Variants in TMEM132B observed in about 807,000 individuals in gnomAD.
TMEM132B encodes transmembrane protein 132B.
TMEM132B carries 18 observed loss-of-function variants against 90.8 expected under a neutral mutation model. That is an observed-to-expected ratio of 0.20 (90% confidence interval 0.14 to 0.29). TMEM132B has a LOEUF of 0.29. Among genes scored for constraint, TMEM132B ranks in the 10% least tolerant of loss-of-function variants. TMEM132B has a pLI of 1.00. For synonymous variants in TMEM132B, 504 were observed against 523.3 expected (o/e 0.96, Z 0.50); for missense variants, 1,096 against 1,326.8 (o/e 0.83, Z 2.70).
chr12:125,451,430 G>A (rs1411955778), intron 3 of TMEM132B, among the ~76,000 whole-genome samples: 1 of 152,130 alleles, frequency 6.6e-6, no homozygotes, highest in Non-Finnish European at 1.5e-5. Context: ...GCATGTAGAT[G>A]CACAAGAATA....
At chr12:125,187,831 A>G (rs1957769032) in intron 1 of TMEM132B, among the ~76,000 whole-genome samples, 1 of 139,866 alleles carries the variant, frequency 7.1e-6, no homozygotes, top group Non-Finnish European at 1.5e-5. Context: ...AACCCCGGGA[A>G]CAGTCACGAG....
At chr12:125,420,867 G>A (rs1395798568) in intron 3 of TMEM132B, among the ~76,000 whole-genome samples, 1 of 152,032 alleles carries the variant, frequency 6.6e-6, no homozygotes, top group Non-Finnish European at 1.5e-5. Context: ...ATGCTTTGCT[G>A]CTTAGAAATT....
At chr12:125,598,487 C>T (rs926692448) in intron 5 of TMEM132B, among the ~76,000 whole-genome samples, 6 of 152,096 alleles carry the variant, frequency 3.9e-5, no homozygotes, top group African/African-American at 1.2e-4. Flanking sequence ...CTGCAACTTG[C>T]CTAAAACATG....
At chr12:125,514,256 C>A (rs1883050919) in intron 3 of TMEM132B, among the ~76,000 whole-genome samples, 1 of 151,870 alleles carries the variant, frequency 6.6e-6, no homozygotes, top group African/African-American at 2.4e-5. Flanking sequence ...TAAGTATGTT[C>A]AAAGAATTAA....
At chr12:125,324,048 G>A (rs1186105872) in intron 1 of TMEM132B, among the ~76,000 whole-genome samples, 1 of 152,096 alleles carries the variant, frequency 6.6e-6, no homozygotes. Flanking sequence ...CACAACGGGG[G>A]CAGGGAAAGA....
chr12:125,516,837 G>A (rs1439676766), intron 3 of TMEM132B, among the ~76,000 whole-genome samples: 1 of 152,220 alleles, frequency 6.6e-6, no homozygotes, highest in Non-Finnish European at 1.5e-5. Context: ...GCACAGTGCG[G>A]CCCAAAGAGA....
intron 1 of TMEM132B, among the ~76,000 whole-genome samples, chr12:125,318,617 G>A (rs1876347355): frequency 1.3e-5 from 2 of 152,134 alleles, no homozygotes; most frequent in Admixed American, 6.5e-5. Flanking sequence ...AACATGAAGT[G>A]TTTGGTTTTC....
At chr12:125,305,441 A>G (rs1465014770) in intron 1 of TMEM132B, among the ~76,000 whole-genome samples, 2 of 149,636 alleles carry the variant, frequency 1.3e-5, no homozygotes, top group Non-Finnish European at 3.0e-5. Context: ...AGCCCAGGGT[A>G]GGGGGGGGAA....
chr12:125,440,694 A>G (rs1470547951), intron 3 of TMEM132B, among the ~76,000 whole-genome samples: 3 of 152,228 alleles, frequency 2.0e-5, no homozygotes, highest in African/African-American at 7.2e-5. Flanking sequence ...AATCTCCAAT[A>G]TGTAGGCAAC....
intron 1 of TMEM132B, among the ~76,000 whole-genome samples, chr12:125,238,755 C>T (rs1162740982): frequency 6.6e-6 from 1 of 152,192 alleles, no homozygotes; most frequent in Admixed American, 6.5e-5. Context: ...GATTTATTTC[C>T]TCTCAAAACC....
At chr12:125,651,263 T>G (rs1341171011) in intron 7 of TMEM132B, among the ~76,000 whole-genome samples, 1 of 152,236 alleles carries the variant, frequency 6.6e-6, no homozygotes, top group East Asian at 1.9e-4. Context: ...CAACATCATA[T>G]TCTCCATTTT....
In TMEM132B at chr12:125,277,581, C is replaced by T. The variant is rs1012621969; in HGVS notation, c.68-71871C>T. On this transcript the variant is annotated intron_variant, in intron 1 of 8. Coordinates refer to ENST00000682704, the MANE Select transcript of TMEM132B (RefSeq NM_001366854.1). This position sits in a 1 kb window ranked among gnomAD's most constrained non-coding sequence, Gnocchi z 4.3. Reference sequence around the variant, plus strand: ...GAAGATGCAGCAGAGATTGGAGTGACGTGCCTACATGCCAGGGAACACCAA... The same window carrying T: ...GAAGATGCAGCAGAGATTGGAGTGATGTGCCTACATGCCAGGGAACACCAA... Among the ~76,000 whole-genome samples, 2 of 151,352 alleles carry T rather than the reference C, an allele frequency of 1.3e-5. No individual in the cohort carries two copies. Among genetic ancestry groups the T allele is most frequent in the South Asian group, 2.1e-4 (1 of 4,792 alleles).
chr12:125,544,660 C>T (rs962539273), intron 4 of TMEM132B, among the ~76,000 whole-genome samples: 1 of 152,144 alleles, frequency 6.6e-6, no homozygotes. Context: ...CCACTCATCT[C>T]TATGCCATTT....
chr12:125,299,092 G>A (rs563747988), intron 1 of TMEM132B, among the ~76,000 whole-genome samples: 98 of 152,180 alleles, frequency 6.4e-4, no homozygotes, highest in African/African-American at 2.1e-3. Flanking sequence ...CTCAAACTCC[G>A]GGCTCAAGCG....
chr12:125,268,955 G>T (rs1446737151), intron 1 of TMEM132B, among the ~76,000 whole-genome samples: 1 of 152,182 alleles, frequency 6.6e-6, no homozygotes, highest in Non-Finnish European at 1.5e-5. Flanking sequence ...GCTAGTTTTT[G>T]ATCTTAGAGG....
At chr12:125,643,596 C>G (rs1452042257) in intron 5 of TMEM132B, among the ~76,000 whole-genome samples, 2 of 152,142 alleles carry the variant, frequency 1.3e-5, no homozygotes, top group African/African-American at 4.8e-5. Context: ...ACTATTTTGC[C>G]TACCAGGATT....
At chr12:125,218,779 T>TTTG (rs1873496785) in intron 1 of TMEM132B, among the ~76,000 whole-genome samples, 2 of 149,652 alleles carry the variant, frequency 1.3e-5, no homozygotes, top group East Asian at 1.9e-4. Context: ...GTTTTTTTTT[T>TTTG]TTTTTTTTTT....
chr12:125,627,581 T>G (rs1886263086), intron 5 of TMEM132B, among the ~76,000 whole-genome samples: 1 of 152,168 alleles, frequency 6.6e-6, no homozygotes, highest in Non-Finnish European at 1.5e-5. Flanking sequence ...ACATGAGATG[T>G]TTTGATACAG....
intron 8 of TMEM132B, among the ~76,000 whole-genome samples, chr12:125,653,033 T>C (rs190072552): frequency 7.4e-4 from 113 of 152,330 alleles, no homozygotes; most frequent in African/African-American, 2.6e-3. Flanking sequence ...ATAAGTATGG[T>C]CAACTCTAAA....
Sources: gnomAD v4.1 joint callset for allele counts (sites outside exome capture counted in the v4.1 genomes callset) on GRCh38, gnomAD v4.1.1 for gene constraint, Gnocchi (gnomAD v3.1) non-coding constraint, MANE v1.5 for transcripts, NCBI Gene and HGNC (gene_info 2026-07-23, HGNC 2026-07-21) for gene names.